Variants in KIAA0513 observed in about 807,000 individuals in gnomAD.
The protein encoded by KIAA0513 is KIAA0513, also known as uncharacterized protein KIAA0513.
In KIAA0513, 39 loss-of-function variants were observed where a neutral mutation model predicts 56.5. The observed-to-expected ratio is 0.69, with a 90% CI of 0.53 to 0.90. The LOEUF (loss-of-function observed/expected upper bound fraction) is 0.90. KIAA0513 is among the 40% of genes least tolerant of loss of function. The pLI is 0.00. For synonymous variants in KIAA0513, 268 were observed against 215.6 expected, an observed-to-expected ratio of 1.24 and a Z score of -2.13; for missense variants, 591 against 535.2, an observed-to-expected ratio of 1.10 and a Z score of -1.03.
rs1205389369 is a variant in KIAA0513, at chr16:85,094,094, T to A, written c.*5769T>A. On this transcript the variant is annotated 3_prime_UTR_variant, in exon 13 of 13. Coordinates refer to ENST00000683363, the MANE Select transcript of KIAA0513 (RefSeq NM_001388359.1). ...TGTTCTACAAACTCTGTTTTAAGGT[T>A]GAGAAAGTTTCAAGGGTGAAGATCT... is the stretch of plus-strand genomic sequence containing the variant. 1 of 152,182 alleles carries A rather than the reference T, an allele frequency of 6.6e-6. No homozygotes were observed. The highest frequency in any genetic ancestry group is 1.5e-5 in the Non-Finnish European group (1 of 68,028). 9.4% of individuals were successfully genotyped at this position (152,182 alleles called of 1,614,324 possible).
At chr16:85,030,416 G>A (rs938814435) in intron 1 of KIAA0513, among the ~76,000 whole-genome samples, 2 of 152,194 alleles carry the variant, frequency 1.3e-5, no homozygotes, top group Admixed American at 1.3e-4. Context: ...TTTTATATGT[G>A]GCATTGTATG....
intron 1 of KIAA0513, among the ~76,000 whole-genome samples, chr16:85,045,064 G>A (rs1221927132): frequency 6.6e-6 from 1 of 152,072 alleles, no homozygotes; most frequent in Non-Finnish European, 1.5e-5. Flanking sequence ...CTTGTAGTGA[G>A]CTGAGATTGC....
In KIAA0513 at chr16:85,092,020, G is replaced by T. The variant is rs1456624744; in HGVS notation, c.*3695G>T. On this transcript the variant is annotated 3_prime_UTR_variant, in exon 13 of 13. Coordinates refer to ENST00000683363, the MANE Select transcript of KIAA0513 (RefSeq NM_001388359.1). Reference sequence around the variant, plus strand: ...TGCAGTGACACAATCTCTACTCACTGCAACCTCCACCTCCCGGGTTCAAGC... The same window carrying T: ...TGCAGTGACACAATCTCTACTCACTTCAACCTCCACCTCCCGGGTTCAAGC... The T allele has an allele frequency of 1.3e-5, 2 of 148,688 alleles. No homozygotes were observed. Among genetic ancestry groups the T allele is most frequent in the Non-Finnish European group, 1.5e-5 (1 of 67,742 alleles). 9.2% of individuals were successfully genotyped at this position (148,688 alleles called of 1,614,324 possible). A position where few individuals can be genotyped will look rare whatever the true frequency, so the allele number is the denominator to read the frequency against.
intron 4 of KIAA0513, among the ~76,000 whole-genome samples, chr16:85,073,346 C>T (rs1447838923): frequency 1.3e-5 from 2 of 152,222 alleles, no homozygotes; most frequent in Admixed American, 6.5e-5. Context: ...TAGAGTACTT[C>T]AAACTCAACC....
intron 1 of KIAA0513, among the ~76,000 whole-genome samples, chr16:85,043,376 G>C (rs902621300): frequency 4.0e-5 from 6 of 151,276 alleles, no homozygotes; most frequent in African/African-American, 1.2e-4. Context: ...TGAGATGGCA[G>C]GGTTTGGAGC....
At chr16:85,054,323 TAA>T (rs1478589496) in intron 1 of KIAA0513, among the ~76,000 whole-genome samples, 1 of 152,118 alleles carries the variant, frequency 6.6e-6, no homozygotes, top group Non-Finnish European at 1.5e-5. Context: ...ATAAATTGGT[TAA>T]AATACTTCGA....
chr16:85,059,683 T>G (rs1031310640), intron 1 of KIAA0513, among the ~76,000 whole-genome samples: 1 of 152,190 alleles, frequency 6.6e-6, no homozygotes, highest in Non-Finnish European at 1.5e-5. Flanking sequence ...AGTGCTGCAC[T>G]TTGAAAGGTA....
At position 85,076,391 on chromosome 16, in the gene KIAA0513, A is replaced by T. The variant is rs1334140066; in HGVS notation, c.574+477A>T. Reference sequence around the variant, plus strand: ...TTATGAGGAGTGCGGACTGTGCTTGATGCTGAGGCTAGGACATCTCTTCCG... The same window carrying T: ...TTATGAGGAGTGCGGACTGTGCTTGTTGCTGAGGCTAGGACATCTCTTCCG... On this transcript the variant is annotated intron_variant, in intron 5 of 12. Transcript: ENST00000683363. This position sits in a 1 kb window ranked among gnomAD's most constrained non-coding sequence, Gnocchi z 4.7. Among the ~76,000 whole-genome samples the T allele has an allele frequency of 6.6e-6, 1 of 152,154 alleles. No homozygotes were observed. The highest frequency in any genetic ancestry group is 6.5e-5 in the Admixed American group (1 of 15,276).
rs575151356 is a variant in KIAA0513, at chr16:85,054,103, T to A, written c.-172-12797T>A. On this transcript the variant is annotated intron_variant, in intron 1 of 12. Transcript: ENST00000683363. ...TGAGCCCAGGAGGTGGAGGTTGCAGTGAGCTGTGATTGTGCCACTGCACTC... is the reference window on the plus strand; with the variant it reads ...TGAGCCCAGGAGGTGGAGGTTGCAGAGAGCTGTGATTGTGCCACTGCACTC... Among the ~76,000 whole-genome samples, 15 of 151,524 alleles carry A rather than the reference T, an allele frequency of 9.9e-5. No individual in the cohort carries two copies. The East Asian group carries it at 2.9e-3, about 30-fold the overall frequency.
intron 1 of KIAA0513, among the ~76,000 whole-genome samples, chr16:85,032,190 A>C (rs949345542): frequency 5.3e-5 from 8 of 152,162 alleles, no homozygotes. Flanking sequence ...TGGCAGCTGC[A>C]TCACCCCAGG....
intron 1 of KIAA0513, among the ~76,000 whole-genome samples, chr16:85,058,661 A>G (rs2073363146): frequency 6.6e-6 from 1 of 152,028 alleles, no homozygotes; most frequent in African/African-American, 2.4e-5. Context: ...TCACAAAAAA[A>G]AAAAAAACAC....
chr16:85,032,029 A>T (rs1244981404), intron 1 of KIAA0513, among the ~76,000 whole-genome samples: 5 of 152,186 alleles, frequency 3.3e-5, no homozygotes, highest in African/African-American at 1.2e-4. Flanking sequence ...TGGGGCTTAA[A>T]GCAACCGAAA....
In KIAA0513 at chr16:85,088,598, G is replaced by A. The variant is rs2073836280; in HGVS notation, c.*273G>A. On this transcript the variant is annotated 3_prime_UTR_variant, in exon 13 of 13. Coordinates refer to ENST00000683363, the MANE Select transcript of KIAA0513 (RefSeq NM_001388359.1). ...TGTACCCCGAGTGCCAGGCTTGTGA[G>A]ATGAGACCAAGAGGGAGGAGGGGAA... The A allele has an allele frequency of 2.1e-6, 1 of 474,376 alleles. No individual in the cohort carries two copies. The highest frequency in any genetic ancestry group is 3.5e-5 in the East Asian group (1 of 28,338). 29.4% of individuals were successfully genotyped at this position (474,376 alleles called of 1,614,324 possible).
At chr16:85,037,831 G>A (rs763313476) in intron 1 of KIAA0513, among the ~76,000 whole-genome samples, 1 of 152,086 alleles carries the variant, frequency 6.6e-6, no homozygotes, top group Non-Finnish European at 1.5e-5. Context: ...CATCTCTCAC[G>A]TCCTCTCTCC....
At chr16:85,053,490 G>C (rs1244472492) in intron 1 of KIAA0513, among the ~76,000 whole-genome samples, 1 of 152,108 alleles carries the variant, frequency 6.6e-6, no homozygotes, top group Non-Finnish European at 1.5e-5. Context: ...TGTAAGGATA[G>C]GCCTGGACTA....
intron 1 of KIAA0513, among the ~76,000 whole-genome samples, chr16:85,042,657 A>G (rs923766563): frequency 6.6e-6 from 1 of 152,264 alleles, no homozygotes; most frequent in East Asian, 1.9e-4. Context: ...GGAATATACA[A>G]TAAAGGTGAG....
At chr16:85,071,293 A>G (rs941482257) in intron 2 of KIAA0513, among the ~76,000 whole-genome samples, 1 of 152,154 alleles carries the variant, frequency 6.6e-6, no homozygotes, top group Non-Finnish European at 1.5e-5. Context: ...GATACGTGGG[A>G]GGTGATTTTC....
In KIAA0513 at chr16:85,077,504, C is replaced by T. The variant is rs780662319; in HGVS notation, c.654C>T (p.Ser218=). 2 of 1,614,216 alleles carry T rather than the reference C, an allele frequency of 1.2e-6. No homozygotes were observed. The highest frequency in any genetic ancestry group is 4.5e-5 in the East Asian group (2 of 44,870). The part of the protein sequence containing the change: ...SIDSYLKSAN[S]WLAEKKDIAE... The stretch of plus-strand genomic sequence containing the variant: ...ACTCCTACCTGAAATCCGCAAACAG[C>T]TGGCTGGCCGAAAAGAAGGACATCG... Residue 218 remains serine, a synonymous_variant, in exon 6 of 13, where the codon AGC becomes AGT. Coordinates refer to ENST00000683363, the MANE Select transcript of KIAA0513 (RefSeq NM_001388359.1).
At position 85,067,486 on chromosome 16, in the gene KIAA0513, C is replaced by A. The variant is rs1267180178; in HGVS notation, c.329+86C>A. On this transcript the variant is annotated intron_variant, in intron 2 of 12. Coordinates refer to ENST00000683363, the MANE Select transcript of KIAA0513 (RefSeq NM_001388359.1). Reference sequence around the variant, plus strand: ...TCCTGCTCTCGGCTCTGCCTCTCCCCAGGGTGCCACCTGGGACCAGAGCTT... The same window carrying A: ...TCCTGCTCTCGGCTCTGCCTCTCCCAAGGGTGCCACCTGGGACCAGAGCTT... The A allele has an allele frequency of 3.7e-6, 4 of 1,094,056 alleles. No individual in the cohort carries two copies. In the East Asian group the frequency reaches 9.9e-5, roughly 27 times the overall value. The allele number at this position is 1,094,056 out of a possible 1,614,324, so 67.8% of individuals were successfully genotyped here.
Sources: gnomAD v4.1 joint callset for allele counts (sites outside exome capture counted in the v4.1 genomes callset) on GRCh38, gnomAD v4.1.1 for gene constraint, Gnocchi (gnomAD v3.1) non-coding constraint, MANE v1.5 for transcripts, NCBI Gene and HGNC (gene_info 2026-07-23, HGNC 2026-07-21) for gene names.